DYNLT2B: variants seen among roughly 807,000 people sequenced by gnomAD.
The protein encoded by DYNLT2B is dynein light chain Tctex-type protein 2B.
DYNLT2B carries 14 observed loss-of-function variants against 19.5 expected under a neutral mutation model. That is an observed-to-expected ratio of 0.72 (90% CI 0.47 to 1.12). The LOEUF (loss-of-function observed/expected upper bound fraction) is 1.12, where lower values mean the gene tolerates loss of function less well. Ranked by LOEUF, DYNLT2B falls within the 50% of genes most tolerant of loss-of-function variation. DYNLT2B has a pLI of 0.00. For synonymous variants in DYNLT2B, 70 were observed against 59.7 expected (o/e 1.17, Z -0.79); for missense variants, 133 against 174.7 (o/e 0.76, Z 1.35).
rs117778109 is a variant in DYNLT2B at position 196,298,135 on chromosome 3, G to T, written c.318-2066C>A. On this transcript the variant is annotated intron_variant, in intron 3 of 4. Transcript: ENST00000325318. ...TGATTTTATTACCAGTTTTCAACCA[G>T]ATCCACTGGAGAATGGGACGATTTG... 43 of 355,840 alleles carry T rather than the reference G, an allele frequency of 1.2e-4. 1 individual carries two copies. In the East Asian group the frequency reaches 3.2e-3, roughly 27 times the overall value. The allele number at this position is 355,840 out of a possible 1,614,324, so 22.0% of individuals were successfully genotyped here.
intron 3 of DYNLT2B, among the ~76,000 whole-genome samples, chr3:196,302,062 A>G (rs149771725): frequency 2.2e-3 from 330 of 150,978 alleles, no homozygotes; most frequent in African/African-American, 7.7e-3. Context: ...AGTCGAGATC[A>G]CACCACTGCA....
At chr3:196,307,066 T>C (rs544242367) in intron 2 of DYNLT2B, 54 bp from the exon 3 acceptor site, 16 of 1,525,802 alleles carry the variant, frequency 1.0e-5, no homozygotes, top group African/African-American at 9.6e-5. Flanking sequence ...AAATTACTTA[T>C]TGAAGACAAA....
At chr3:196,308,084 A>G (rs1261814990) in intron 2 of DYNLT2B, among the ~76,000 whole-genome samples, 306 of 71,396 alleles carry the variant, frequency 4.3e-3, no homozygotes, top group African/African-American at 0.012. Flanking sequence ...TCCATCTCGA[A>G]AAAAAAAAAA....
chr3:196,313,530 G>A (rs569015387), intron 2 of DYNLT2B, among the ~76,000 whole-genome samples: 1 of 152,108 alleles, frequency 6.6e-6, no homozygotes, highest in East Asian at 1.9e-4. Flanking sequence ...GTGGCATTCA[G>A]GTGATTTTTC....
chr3:196,293,385 G>C (rs1231649934), intron 4 of DYNLT2B, among the ~76,000 whole-genome samples: 2 of 151,938 alleles, frequency 1.3e-5, no homozygotes, highest in African/African-American at 4.8e-5. Flanking sequence ...CAGCACTTTG[G>C]GAGGCCAAAG....
At chr3:196,293,791 C>G (rs1313826168) in intron 4 of DYNLT2B, among the ~76,000 whole-genome samples, 1 of 150,388 alleles carries the variant, frequency 6.6e-6, no homozygotes, top group East Asian at 2.1e-4. Flanking sequence ...ATTACAGGCA[C>G]CCAACACCAC....
intron 1 of DYNLT2B, among the ~76,000 whole-genome samples, chr3:196,317,154 AGT>A (rs199908321): frequency 0.51 from 17,802 of 34,788 alleles, 4,798 homozygotes; most frequent in East Asian, 0.83. Context: ...ATTTTTTTTC[AGT>A]GTGTGTGTGT....
chr3:196,303,372 G>T (rs1028417297), intron 3 of DYNLT2B, among the ~76,000 whole-genome samples: 1 of 152,102 alleles, frequency 6.6e-6, no homozygotes, highest in Non-Finnish European at 1.5e-5. Context: ...ATGATGAATC[G>T]GCTCTGTCTA....
At chr3:196,304,420 A>T (rs1726433815) in intron 3 of DYNLT2B, among the ~76,000 whole-genome samples, 1 of 152,178 alleles carries the variant, frequency 6.6e-6, no homozygotes, top group South Asian at 2.1e-4. Context: ...GGTGGGAGCC[A>T]CTGCACCTGG....
At chr3:196,311,882 C>A (rs1299197854) in intron 2 of DYNLT2B, among the ~76,000 whole-genome samples, 1 of 151,796 alleles carries the variant, frequency 6.6e-6, no homozygotes, top group Non-Finnish European at 1.5e-5. Context: ...GACTAGCAAG[C>A]CCGGCTAATT....
chr3:196,309,455 G>C (rs1421286436), intron 2 of DYNLT2B, among the ~76,000 whole-genome samples: 1 of 151,826 alleles, frequency 6.6e-6, no homozygotes, highest in African/African-American at 2.4e-5. Flanking sequence ...AGTAGAGATG[G>C]GGTTTCTCCA....
At chr3:196,301,098 C>T (rs1378359124) in intron 3 of DYNLT2B, among the ~76,000 whole-genome samples, 1 of 151,946 alleles carries the variant, frequency 6.6e-6, no homozygotes, top group East Asian at 1.9e-4. Context: ...AAGATAGGGC[C>T]TTTTTAAAAC....
chr3:196,316,344 C>A, intron 1 of DYNLT2B, 113 bp from the exon 2 acceptor site: 1 of 1,090,770 alleles, frequency 9.2e-7, no homozygotes, highest in Non-Finnish European at 1.2e-6. Flanking sequence ...CCTTCTTTTT[C>A]ATATTTTTTA....
At chr3:196,298,881 G>C (rs1289723056) in intron 3 of DYNLT2B, among the ~76,000 whole-genome samples, 4 of 152,104 alleles carry the variant, frequency 2.6e-5, no homozygotes, top group African/African-American at 4.8e-5. Context: ...TAGTAGGAGA[G>C]TTGGCAGTCT....
intron 2 of DYNLT2B, among the ~76,000 whole-genome samples, chr3:196,314,284 T>C (rs868023316): frequency 6.6e-6 from 1 of 151,768 alleles, no homozygotes; most frequent in Middle Eastern, 3.4e-3. Context: ...GGCTTGCAGA[T>C]CTCTTGAGGG....
At chr3:196,317,158 T>G (rs1212607676) in intron 1 of DYNLT2B, among the ~76,000 whole-genome samples, 1 of 101,078 alleles carries the variant, frequency 9.9e-6, no homozygotes, top group Non-Finnish European at 1.9e-5. Context: ...TTTTTCAGTG[T>G]GTGTGTGTGT....
At chr3:196,293,893 T>A (rs1210046333) in intron 4 of DYNLT2B, among the ~76,000 whole-genome samples, 1 of 150,630 alleles carries the variant, frequency 6.6e-6, no homozygotes, top group Non-Finnish European at 1.5e-5. Flanking sequence ...TCCGCCCGCC[T>A]CGGCCTCCCA....
intron 4 of DYNLT2B, among the ~76,000 whole-genome samples, chr3:196,293,751 TCTC>T (rs1300333948): frequency 3.4e-5 from 5 of 147,792 alleles, no homozygotes; most frequent in Non-Finnish European, 7.5e-5. Flanking sequence ...TTCAAGCAAT[TCTC>T]CTGCCTCAGC....
intron 3 of DYNLT2B, among the ~76,000 whole-genome samples, chr3:196,300,100 T>G (rs546043611): frequency 6.6e-6 from 1 of 152,274 alleles, no homozygotes; most frequent in East Asian, 1.9e-4. Flanking sequence ...GGCCTCTAAC[T>G]GGAACAGACG....
Sources: allele counts gnomAD v4.1 joint callset (sites outside exome capture counted in the v4.1 genomes callset), GRCh38; gene constraint gnomAD v4.1.1; transcripts MANE v1.5; gene names NCBI Gene and HGNC (gene_info 2026-07-23, HGNC 2026-07-21).